Variants in NEBL observed in about 807,000 individuals in gnomAD.
The protein encoded by NEBL is LIM and SH3 protein 2.
NEBL carries 122 observed loss-of-function variants against 140.2 expected under a neutral mutation model. That is an observed-to-expected ratio of 0.87 (90% CI 0.75 to 1.01). The LOEUF is 1.01. Among genes scored for constraint, NEBL ranks in the 50% least tolerant of loss-of-function variants. The pLI is 0.00. For synonymous variants in NEBL, 436 were observed against 398.9 expected, an observed-to-expected ratio of 1.09 and a Z score of -1.11; for missense variants, 1,365 against 1,231.3, an observed-to-expected ratio of 1.11 and a Z score of -1.62.
intron 2 of NEBL, among the ~76,000 whole-genome samples, chr10:21,057,971 A>G (rs569961432): frequency 2.0e-5 from 3 of 152,320 alleles, no homozygotes; most frequent in East Asian, 3.9e-4. Flanking sequence ...TCCACCATCA[A>G]AAGGGAAAGT....
At chr10:21,016,782 G>C (rs1345741156) in intron 3 of NEBL, among the ~76,000 whole-genome samples, 1 of 152,160 alleles carries the variant, frequency 6.6e-6, no homozygotes, top group Non-Finnish European at 1.5e-5. Context: ...CTCTCATGCA[G>C]AATCAAATCA....
intron 2 of NEBL, among the ~76,000 whole-genome samples, chr10:21,126,978 A>G (rs1202655262): frequency 2.0e-5 from 3 of 149,024 alleles, no homozygotes; most frequent in Non-Finnish European, 4.5e-5. Context: ...CTGTATCAAA[A>G]AAAAAAAAAA....
At chr10:20,977,892 C>G (rs1836868366) in intron 3 of NEBL, among the ~76,000 whole-genome samples, 2 of 152,126 alleles carry the variant, frequency 1.3e-5, no homozygotes, top group African/African-American at 4.8e-5. Context: ...GTAACTCAAG[C>G]CTAACGTTCC....
chr10:21,045,710 A>G (rs1564491642), intron 2 of NEBL, among the ~76,000 whole-genome samples: 2 of 152,330 alleles, frequency 1.3e-5, no homozygotes, highest in Middle Eastern at 3.4e-3. Context: ...TCAAAAAGAC[A>G]ACACATGTTG....
intron 3 of NEBL, among the ~76,000 whole-genome samples, chr10:21,009,178 G>A (rs1249127932): frequency 6.6e-6 from 1 of 152,100 alleles, no homozygotes; most frequent in East Asian, 1.9e-4. Context: ...GTTTTTAAAA[G>A]AATCAGTATT....
chr10:21,060,218 G>A (rs1325981211), intron 2 of NEBL, among the ~76,000 whole-genome samples: 3 of 152,174 alleles, frequency 2.0e-5, no homozygotes, highest in Non-Finnish European at 4.4e-5. Flanking sequence ...AGCACAGATG[G>A]AGAGCTACCA....
intron 4 of NEBL, among the ~76,000 whole-genome samples, chr10:20,948,177 T>C (rs1835272884): frequency 6.6e-6 from 1 of 152,218 alleles, no homozygotes; most frequent in Non-Finnish European, 1.5e-5. Flanking sequence ...ATTTAGAGTC[T>C]TTAATGGTTT....
intron 4 of NEBL, among the ~76,000 whole-genome samples, chr10:20,949,316 G>A (rs936951553): frequency 6.6e-6 from 1 of 152,106 alleles, no homozygotes; most frequent in Admixed American, 6.6e-5. Context: ...GAAAAGCGGA[G>A]GAAGAGCATT....
At chr10:21,256,291 C>T (rs986770715) in intron 1 of NEBL, among the ~76,000 whole-genome samples, 23 of 152,084 alleles carry the variant, frequency 1.5e-4, no homozygotes, top group African/African-American at 4.8e-4. Flanking sequence ...TGGTCTCAAA[C>T]TCCTGACCTC....
chr10:20,824,185 C>T (rs908660489), intron 18 of NEBL, among the ~76,000 whole-genome samples: 1 of 152,106 alleles, frequency 6.6e-6, no homozygotes, highest in African/African-American at 2.4e-5. Flanking sequence ...GAAAAGGATA[C>T]ATATATATGT....
At chr10:21,071,350 T>C (rs534770576) in intron 2 of NEBL, among the ~76,000 whole-genome samples, 20 of 152,168 alleles carry the variant, frequency 1.3e-4, no homozygotes, top group African/African-American at 4.8e-4. Context: ...TGAATTTTTT[T>C]CTAAAATTTT....
At chr10:21,026,836 C>A (rs988760380) in intron 2 of NEBL, among the ~76,000 whole-genome samples, 1 of 152,158 alleles carries the variant, frequency 6.6e-6, no homozygotes, top group Non-Finnish European at 1.5e-5. Context: ...CCATCATTAA[C>A]CACCAAGAGT....
At chr10:20,896,651 T>A (rs1847522994) in intron 2 of NEBL, among the ~76,000 whole-genome samples, 2 of 151,842 alleles carry the variant, frequency 1.3e-5, no homozygotes, top group Non-Finnish European at 2.9e-5. Context: ...TTTTAAAATC[T>A]TTGGGGGTTC....
chr10:21,269,321 G>A (rs7073394), intron 1 of NEBL, among the ~76,000 whole-genome samples: 6,181 of 152,292 alleles, frequency 0.041, 413 homozygotes, highest in African/African-American at 0.14. Flanking sequence ...CTAAATGAGA[G>A]TGCAAATGAA....
chr10:21,188,673 T>G (rs1841519819), intron 3 of NEBL, among the ~76,000 whole-genome samples: 1 of 148,746 alleles, frequency 6.7e-6, no homozygotes, highest in Non-Finnish European at 1.5e-5. Flanking sequence ...CAATTCCAGC[T>G]CACTGCAACC....
intron 2 of NEBL, among the ~76,000 whole-genome samples, chr10:21,089,797 A>G (rs1389098287): frequency 6.6e-6 from 1 of 151,852 alleles, no homozygotes; most frequent in Non-Finnish European, 1.5e-5. Flanking sequence ...CCTCTGAATA[A>G]AAGTCCCCAT....
intron 2 of NEBL, among the ~76,000 whole-genome samples, chr10:21,074,101 T>C (rs7088409): frequency 0.3 from 45,500 of 151,888 alleles, 9,726 homozygotes; most frequent in African/African-American, 0.61. Flanking sequence ...CCTACTATAG[T>C]TATCATTTTG....
At chr10:21,055,448 T>C (rs1328038205) in intron 2 of NEBL, among the ~76,000 whole-genome samples, 1 of 152,144 alleles carries the variant, frequency 6.6e-6, no homozygotes, top group Admixed American at 6.5e-5. Context: ...CAATGCTGTA[T>C]TGACACACAA....
At chr10:21,121,099 A>G (rs1228826663) in intron 2 of NEBL, among the ~76,000 whole-genome samples, 14 of 152,172 alleles carry the variant, frequency 9.2e-5, no homozygotes, top group Non-Finnish European at 1.5e-4. Context: ...ATTCTAAAGT[A>G]TGTTTGGCCC....
Sources: allele counts gnomAD v4.1 joint callset (sites outside exome capture counted in the v4.1 genomes callset), GRCh38; gene constraint gnomAD v4.1.1; transcripts MANE v1.5; gene names NCBI Gene and HGNC (gene_info 2026-07-23, HGNC 2026-07-21).